Variants in PIWIL2 observed in about 807,000 individuals in gnomAD.
The protein encoded by PIWIL2 is piwi-like protein 2.
Under a neutral mutation model 116.5 loss-of-function variants are expected in PIWIL2, and 81 were observed. That is an observed-to-expected ratio of 0.70 (90% CI 0.58 to 0.84). The LOEUF is 0.84. Ranked by LOEUF, PIWIL2 falls within the 40% of genes least tolerant of loss-of-function variation. PIWIL2 has a pLI of 0.00. For missense variants in PIWIL2, 1,272 were observed against 1,212.3 expected (o/e 1.05, Z -0.73); for synonymous variants, 489 against 429.5 (o/e 1.14, Z -1.71).
At chr8:22,343,317 G>A (rs1293457479) in intron 20 of PIWIL2, among the ~76,000 whole-genome samples, 3 of 151,854 alleles carry the variant, frequency 2.0e-5, no homozygotes, top group Admixed American at 6.6e-5. Flanking sequence ...GCCTGTAATC[G>A]CAGCTACTCG....
intron 20 of PIWIL2, among the ~76,000 whole-genome samples, chr8:22,321,146 A>G (rs1831588694): frequency 2.0e-5 from 3 of 152,208 alleles, no homozygotes; most frequent in African/African-American, 4.8e-5. Context: ...TAAATCTAGA[A>G]TAAAACTGGC....
chr8:22,334,910 G>C (rs1418640206), intron 20 of PIWIL2, among the ~76,000 whole-genome samples: 1 of 151,638 alleles, frequency 6.6e-6, no homozygotes, highest in Non-Finnish European at 1.5e-5. Flanking sequence ...CAAAAATTAG[G>C]TGGGCGTGGT....
In PIWIL2 at chr8:22,276,356, C is replaced by T. The variant is rs538488536; in HGVS notation, c.-47+958C>T. 5.3e-5 allele frequency among the ~76,000 whole-genome samples: 8 copies of T among 152,324 alleles called. No homozygotes were observed. The South Asian group carries it at 1.0e-3, about 20-fold the overall frequency. On this transcript the variant is annotated intron_variant, in intron 1 of 22. Coordinates refer to ENST00000356766, the MANE Select transcript of PIWIL2 (RefSeq NM_018068.5). ...TTTGAGACGGAGTCTCGCTCCGTAG[C>T]GCAGGCTGGAGTGCAGTGGCGTGAT...
At position 22,287,655 on chromosome 8, in the gene PIWIL2, A is replaced by G. The variant is rs748325425; in HGVS notation, c.861+10A>G. ...TGTTAAGCTTCAACAAGTGAGACCA[A>G]ACAGGAAATGGACTTTGAGATGAAC... On this transcript the variant is annotated intron_variant, in intron 7 of 22. Coordinates refer to ENST00000356766, the MANE Select transcript of PIWIL2 (RefSeq NM_018068.5). The G allele has an allele frequency of 1.2e-5, 18 of 1,501,482 alleles. No individual in the cohort carries two copies. In the South Asian group the frequency reaches 1.4e-4, roughly 11 times the overall value. 93.0% of individuals were successfully genotyped at this position (1,501,482 alleles called of 1,614,324 possible).
At chr8:22,313,045 A>G (rs570441152) in intron 16 of PIWIL2, among the ~76,000 whole-genome samples, 3 of 152,338 alleles carry the variant, frequency 2.0e-5, no homozygotes, top group African/African-American at 7.2e-5. Flanking sequence ...TTTCAAAAGA[A>G]TAACCCAGCC....
At chr8:22,342,960 A>G (rs1832143613) in intron 20 of PIWIL2, among the ~76,000 whole-genome samples, 1 of 152,188 alleles carries the variant, frequency 6.6e-6, no homozygotes, top group Non-Finnish European at 1.5e-5. Flanking sequence ...CTCAACAGAC[A>G]TCTCACCAAA....
intron 13 of PIWIL2, among the ~76,000 whole-genome samples, chr8:22,307,010 A>G (rs1340788636): frequency 6.6e-6 from 1 of 152,256 alleles, no homozygotes; most frequent in African/African-American, 2.4e-5. Context: ...GCAAGTACCT[A>G]TAAATGAGTC....
intron 20 of PIWIL2, among the ~76,000 whole-genome samples, chr8:22,334,149 A>AT (rs1480068010): frequency 6.6e-6 from 1 of 151,592 alleles, no homozygotes; most frequent in Non-Finnish European, 1.5e-5. Context: ...AATTTTTTGT[A>AT]TTTTTAGTAT....
chr8:22,284,308 A>C (rs747717224), intron 6 of PIWIL2, 36 bp downstream of exon 6: 4 of 1,076,226 alleles, frequency 3.7e-6, no homozygotes, highest in Non-Finnish European at 5.5e-6. Context: ...TTCACTTCTT[A>C]AAGGGCAGTA....
chr8:22,325,265 T>G (rs1379038978), intron 20 of PIWIL2, among the ~76,000 whole-genome samples: 4 of 152,184 alleles, frequency 2.6e-5, no homozygotes, highest in Non-Finnish European at 5.9e-5. Context: ...GTGGAGATGT[T>G]TGCTAGGCTC....
At chr8:22,331,645 A>G (rs925300066) in intron 20 of PIWIL2, among the ~76,000 whole-genome samples, 1 of 152,178 alleles carries the variant, frequency 6.6e-6, no homozygotes, top group African/African-American at 2.4e-5. Context: ...AGTTTGCTAC[A>G]AATGACATAA....
intron 10 of PIWIL2, among the ~76,000 whole-genome samples, chr8:22,294,424 G>A (rs1830839254): frequency 6.7e-6 from 1 of 148,488 alleles, no homozygotes; most frequent in African/African-American, 2.5e-5. Context: ...GGCAGATCAT[G>A]AAGTCAGGCG....
Position 22,311,292 on chromosome 8 carries a change from G to A in PIWIL2, c.1981G>A (p.Gly661Arg). ...TGTCAGAACCATTCAATCCACGTTAGGAGCTGAGGTAAAAATGTAATTCAA... is the reference window on the plus strand; with the variant it reads ...TGTCAGAACCATTCAATCCACGTTAAGAGCTGAGGTAAAAATGTAATTCAA... ...TYVRTIQSTL[G>R]AEGKIQMVVC... The change falls in exon 16 of 23, where the codon GGA (glycine) becomes AGA (arginine). Residue 661 changes from glycine (G) to arginine (R), a missense_variant. Transcript: ENST00000356766. 1 of 1,597,850 alleles carries A rather than the reference G, an allele frequency of 6.3e-7. No homozygotes were observed. Among genetic ancestry groups the A allele is most frequent in the Non-Finnish European group, 8.5e-7 (1 of 1,174,160 alleles).
At chr8:22,312,088 A>T (rs1831346319) in intron 16 of PIWIL2, among the ~76,000 whole-genome samples, 1 of 151,570 alleles carries the variant, frequency 6.6e-6, no homozygotes, top group Non-Finnish European at 1.5e-5. Context: ...ACCTGGCAAA[A>T]CCCTGTCTCT....
intron 2 of PIWIL2, among the ~76,000 whole-genome samples, chr8:22,280,058 C>T (rs1830465123): frequency 6.6e-6 from 1 of 152,050 alleles, no homozygotes; most frequent in African/African-American, 2.4e-5. Context: ...GCAAATATTT[C>T]AAATCTAGAG....
chr8:22,351,722 G>T (rs1354157005), intron 20 of PIWIL2, among the ~76,000 whole-genome samples: 12 of 151,076 alleles, frequency 7.9e-5, no homozygotes, highest in Non-Finnish European at 1.6e-4. Context: ...ATTTTTAGTA[G>T]AGACGAGGGT....
intron 10 of PIWIL2, among the ~76,000 whole-genome samples, chr8:22,302,332 C>A (rs182008577): frequency 2.0e-5 from 3 of 152,068 alleles, no homozygotes; most frequent in East Asian, 1.9e-4. Context: ...CAGGCGCGCA[C>A]CCCCACGCCC....
At chr8:22,291,440 C>T (rs559545453) in intron 10 of PIWIL2, among the ~76,000 whole-genome samples, 4 of 152,074 alleles carry the variant, frequency 2.6e-5, no homozygotes, top group Admixed American at 6.6e-5. Flanking sequence ...CACAAGCCAC[C>T]GTGCCCAGCC....
At chr8:22,279,047 T>C (rs1830440639) in intron 1 of PIWIL2, among the ~76,000 whole-genome samples, 1 of 152,204 alleles carries the variant, frequency 6.6e-6, no homozygotes, top group Non-Finnish European at 1.5e-5. Flanking sequence ...ACAATAAATG[T>C]AATGTATTTG....
Sources: allele counts gnomAD v4.1 joint callset (sites outside exome capture counted in the v4.1 genomes callset), GRCh38; gene constraint gnomAD v4.1.1; transcripts MANE v1.5; gene names NCBI Gene and HGNC (gene_info 2026-07-23, HGNC 2026-07-21).